Variants in PKD2 observed in about 807,000 individuals in gnomAD.
PKD2 encodes the protein polycystin-2.
In PKD2, 48 loss-of-function variants were observed where a neutral mutation model predicts 105.9. That is an observed-to-expected ratio of 0.45 (90% CI 0.36 to 0.58). The LOEUF is 0.58. Ranked by LOEUF, PKD2 falls within the 20% of genes least tolerant of loss-of-function variation. PKD2 has a pLI of 0.00. For synonymous variants in PKD2, 464 were observed against 481.1 expected, an observed-to-expected ratio of 0.96 and a Z score of 0.46; for missense variants, 1,078 against 1,255.3, an observed-to-expected ratio of 0.86 and a Z score of 2.13.
intron 2 of PKD2, among the ~76,000 whole-genome samples, chr4:88,035,533 C>T (rs566425101): frequency 6.6e-6 from 1 of 152,222 alleles, no homozygotes; most frequent in South Asian, 2.1e-4. Flanking sequence ...ACAGTGTGAA[C>T]CCAGTGTGGT....
In PKD2 at chr4:88,039,291, C is replaced by A. The variant is rs192174844; in HGVS notation, c.1094+790C>A. Among the ~76,000 whole-genome samples the A allele has an allele frequency of 5.9e-5, 9 of 152,296 alleles. No homozygotes were observed. In the East Asian group the frequency reaches 1.7e-3, roughly 29 times the overall value. Reference sequence around the variant, plus strand: ...CATTTGTTACTATACAATGGGCAATCACCTTTTCAATTAGTATATTCTTCT... The same window carrying A: ...CATTTGTTACTATACAATGGGCAATAACCTTTTCAATTAGTATATTCTTCT... On this transcript the variant is annotated intron_variant, in intron 4 of 14. Transcript: ENST00000237596.
At chr4:88,011,768 C>T (rs965637545) in intron 1 of PKD2, among the ~76,000 whole-genome samples, 8 of 152,024 alleles carry the variant, frequency 5.3e-5, no homozygotes, top group African/African-American at 9.7e-5. Context: ...TCCAACTCAC[C>T]GCTCTTAGTT....
Position 88,025,632 on chromosome 4 carries a change from A to G in PKD2, c.709+6061A>G, listed in dbSNP as rs556625956. Among the ~76,000 whole-genome samples, 663 of 151,846 alleles carry G rather than the reference A, an allele frequency of 4.4e-3. 6 individuals are homozygous for G. Among genetic ancestry groups the G allele is most frequent in the African/African-American group, 0.015 (632 of 41,438 alleles). ...CTGTCTCAAAAAAAAAAAAAAGAAAAGAAAAGAAAAATAAATAAAATTTAT... is the reference window on the plus strand; with the variant it reads ...CTGTCTCAAAAAAAAAAAAAAGAAAGGAAAAGAAAAATAAATAAAATTTAT... On this transcript the variant is annotated intron_variant, in intron 2 of 14. Coordinates refer to ENST00000237596, the MANE Select transcript of PKD2 (RefSeq NM_000297.4).
intron 1 of PKD2, among the ~76,000 whole-genome samples, chr4:88,015,333 A>G (rs1168864596): frequency 6.6e-6 from 1 of 152,188 alleles, no homozygotes; most frequent in Non-Finnish European, 1.5e-5. Context: ...TTGAGTTGAT[A>G]TTGTTGGATC....
At chr4:88,057,896 A>G in intron 8 of PKD2, 87 bp from the exon 9 acceptor site, 1 of 1,094,452 alleles carries the variant, frequency 9.1e-7, no homozygotes, top group Non-Finnish European at 1.4e-6. Flanking sequence ...AAGGTCCAAA[A>G]ATAATGAAAT....
In PKD2 at chr4:88,051,973, A is replaced by T; in HGVS notation, c.1549-18A>T. 7.2e-7 allele frequency: 1 copy of T among 1,391,888 alleles called. No homozygotes were observed. The highest frequency in any genetic ancestry group is 1.0e-6 in the Non-Finnish European group (1 of 979,958). 86.2% of individuals were successfully genotyped at this position (1,391,888 alleles called of 1,614,324 possible). ...TTTCTAAAACACTGTAATAAAATAT[A>T]AATATTTTGCTTTTCAGCTGTCAGT... On this transcript the variant is annotated intron_variant, in intron 6 of 14. Coordinates refer to ENST00000237596, the MANE Select transcript of PKD2 (RefSeq NM_000297.4).
chr4:88,045,646 C>G (rs144183089), intron 5 of PKD2, among the ~76,000 whole-genome samples: 9 of 152,172 alleles, frequency 5.9e-5, no homozygotes, highest in African/African-American at 2.2e-4. Context: ...AGTGTGACAC[C>G]TACAAAATGG....
At chr4:88,027,880 G>A (rs1156549866) in intron 2 of PKD2, among the ~76,000 whole-genome samples, 1 of 152,162 alleles carries the variant, frequency 6.6e-6, no homozygotes, top group African/African-American at 2.4e-5. Flanking sequence ...GAAGGTACTT[G>A]CTTCTCCTTT....
chr4:88,068,469 C>CA (rs34639849), intron 13 of PKD2, among the ~76,000 whole-genome samples: 595 of 138,784 alleles, frequency 4.3e-3, no homozygotes, highest in Non-Finnish European at 6.7e-3. Context: ...GACTCTGTCT[C>CA]AAAAAAAAAA....
chr4:88,063,953 G>C (rs1024355515), intron 10 of PKD2, among the ~76,000 whole-genome samples: 4 of 152,054 alleles, frequency 2.6e-5, no homozygotes, highest in African/African-American at 9.7e-5. Flanking sequence ...CCAGGAAGTC[G>C]AGACAAGCCT....
intron 4 of PKD2, 72 bp from the exon 5 acceptor site, chr4:88,043,161 A>G: frequency 1.1e-6 from 1 of 945,458 alleles, no homozygotes; most frequent in South Asian, 1.3e-5. Flanking sequence ...ACAAGGAACC[A>G]GCTGTCCTTG....
intron 4 of PKD2, among the ~76,000 whole-genome samples, chr4:88,041,557 A>G (rs1263679373): frequency 6.6e-6 from 1 of 152,176 alleles, no homozygotes; most frequent in Non-Finnish European, 1.5e-5. Flanking sequence ...GATGTGCTGA[A>G]TTTCTCCAGG....
intron 13 of PKD2, among the ~76,000 whole-genome samples, chr4:88,070,574 T>TTATATATA (rs57470805): frequency 1.3e-3 from 144 of 113,888 alleles, no homozygotes; most frequent in Non-Finnish European, 2.0e-3. Context: ...TTTATTTATT[T>TTATATATA]TATATATATA....
In PKD2 at chr4:88,007,837, C is replaced by A. The variant is rs765176523; in HGVS notation, c.104C>A (p.Ala35Asp). 86 of 1,201,972 alleles carry A rather than the reference C, an allele frequency of 7.2e-5. No individual in the cohort carries two copies. The highest frequency in any genetic ancestry group is 6.6e-4 in the Middle Eastern group (2 of 3,020). The allele number at this position is 1,201,972 out of a possible 1,614,324, so 74.5% of individuals were successfully genotyped here. A position where few individuals can be genotyped will look rare whatever the true frequency, so the allele number is the denominator to read the frequency against. Residue 35 changes from alanine to aspartate, a missense_variant, in exon 1 of 15, where the codon GCC becomes GAC. Physicochemically the swap from Ala to Asp is moderately radical, Grantham distance 126. This residue lies in a region of PKD2 where 210 missense variants were observed against 187.9 expected (regional missense o/e 1.12). Transcript: ENST00000237596. ...DPGRLMAGCA[A>D]VGASLAAPGG... ...GGCCGGCTGATGGCTGGCTGCGCGG[C>A]CGTGGGCGCCAGCCTCGCCGCCCCG...
At chr4:88,028,373 C>T (rs376935986) in intron 2 of PKD2, among the ~76,000 whole-genome samples, 2 of 152,176 alleles carry the variant, frequency 1.3e-5, no homozygotes, top group Admixed American at 6.5e-5. Context: ...CAGTGAAAAA[C>T]GTCTTGATTG....
intron 10 of PKD2, among the ~76,000 whole-genome samples, chr4:88,062,855 G>T (rs538182198): frequency 6.6e-6 from 1 of 152,078 alleles, no homozygotes; most frequent in Non-Finnish European, 1.5e-5. Flanking sequence ...TCTTGATTCC[G>T]CATAACAGTT....
chr4:88,064,723 C>G (rs1404502958), intron 10 of PKD2, among the ~76,000 whole-genome samples: 6 of 150,534 alleles, frequency 4.0e-5, no homozygotes, highest in Non-Finnish European at 8.9e-5. Context: ...GAGACCCTGT[C>G]TCTACAAAAA....
chr4:88,012,124 T>G (rs138634436), intron 1 of PKD2, among the ~76,000 whole-genome samples: 386 of 152,312 alleles, frequency 2.5e-3, no homozygotes, highest in Admixed American at 6.5e-3. Flanking sequence ...CCTAGACTGT[T>G]AAATTCAAAA....
intron 13 of PKD2, 49 bp downstream of exon 13, chr4:88,068,110 A>T (rs1321807834): frequency 2.9e-6 from 4 of 1,402,752 alleles, no homozygotes; most frequent in East Asian, 4.6e-5. Flanking sequence ...AGTCCACATG[A>T]GACCAGGCAG....
Sources: allele counts gnomAD v4.1 joint callset (sites outside exome capture counted in the v4.1 genomes callset), GRCh38; gene constraint gnomAD v4.1.1; regional missense constraint gnomAD v4.1.1; transcripts MANE v1.5; gene names NCBI Gene and HGNC (gene_info 2026-07-23, HGNC 2026-07-21).